WAC: variants seen among roughly 807,000 people sequenced by gnomAD.
WAC encodes WW domain-containing adapter protein with coiled-coil.
WAC carries 11 observed loss-of-function variants against 79.6 expected under a neutral mutation model. The observed-to-expected ratio is 0.14, with a 90% CI of 0.09 to 0.23. The LOEUF is 0.23. WAC is among the 10% of genes least tolerant of loss of function. The pLI is 1.00. For synonymous variants in WAC, 304 were observed against 276.9 expected (o/e 1.10, Z -0.97); for missense variants, 728 against 773.5 (o/e 0.94, Z 0.70).
chr10:28,617,748 G>T lies in WAC; in HGVS notation c.1838G>T (p.Arg613Leu). ...TELKNLRSLV[R>L]VCEIQATLRE... ...TTAAAAAATTTAAGATCTTTAGTCCGAGTATGTGAAATTCAAGCAACTTTG... is the reference window on the plus strand; with the variant it reads ...TTAAAAAATTTAAGATCTTTAGTCCTAGTATGTGAAATTCAAGCAACTTTG... The change falls in exon 13 of 14, where the codon CGA (arginine) becomes CTA (leucine). Residue 613 changes from arginine (R) to leucine (L), a missense_variant. By Grantham distance (102) the Arg-to-Leu change is moderately radical (BLOSUM62 -2). This residue lies in a region of WAC where 66 missense variants were observed against 78.9 expected (regional missense o/e 0.84). Transcript: ENST00000354911. 1 of 1,594,882 alleles carries T rather than the reference G, an allele frequency of 6.3e-7. No individual in the cohort carries two copies. Among genetic ancestry groups the T allele is most frequent in the South Asian group, 1.2e-5 (1 of 84,536 alleles).
intron 1 of WAC, 37 bp from the exon 2 acceptor site, chr10:28,533,961 G>A (rs774549901): frequency 1.9e-6 from 3 of 1,604,036 alleles, no homozygotes; most frequent in African/African-American, 2.7e-5. Context: ...CACCCGCGCC[G>A]TGTCTTATGT....
intron 7 of WAC, among the ~76,000 whole-genome samples, chr10:28,601,258 A>G (rs1442068350): frequency 6.6e-6 from 1 of 152,176 alleles, no homozygotes; most frequent in Admixed American, 6.5e-5. Context: ...AAGGACTCGA[A>G]TAAACATTTC....
intron 9 of WAC, chr10:28,611,118 C>G (rs1841219487): frequency 8.3e-6 from 5 of 602,036 alleles, no homozygotes; most frequent in Non-Finnish European, 1.3e-5. Context: ...TATGCCAAAG[C>G]TGAAAGTAAA....
chr10:28,603,730 G>A (rs1035300204), intron 7 of WAC, among the ~76,000 whole-genome samples: 17 of 151,434 alleles, frequency 1.1e-4, no homozygotes, highest in East Asian at 5.8e-4. Flanking sequence ...TCAGGAGATC[G>A]AGACCATCCT....
At chr10:28,583,026 G>T (rs1250276426) in intron 3 of WAC, among the ~76,000 whole-genome samples, 1 of 152,116 alleles carries the variant, frequency 6.6e-6, no homozygotes, top group Non-Finnish European at 1.5e-5. Context: ...TTTTAGTTCT[G>T]TATCATTTGA....
intron 8 of WAC, 141 bp from the exon 9 acceptor site, chr10:28,610,558 T>C: frequency 1.3e-6 from 1 of 776,818 alleles, no homozygotes; most frequent in Admixed American, 3.5e-5. Flanking sequence ...ATTGTATTAC[T>C]CCTATCTAGT....
At position 28,619,522 on chromosome 10, in the gene WAC, GCTT is replaced by G; in HGVS notation, c.1875-14_1875-12del. 1 of 1,545,766 alleles carries G rather than the reference GCTT, an allele frequency of 6.5e-7. No individual in the cohort carries two copies. The highest frequency in any genetic ancestry group is 8.7e-7 in the Non-Finnish European group (1 of 1,147,898). The stretch of plus-strand genomic sequence containing the variant: ...TATATGTACACAGGTTCTAATGTCT[GCTT>G]TTTTTTTTCAGGATACTATTTTTGA... On this transcript the variant is annotated splice_polypyrimidine_tract_variant and intron_variant, in intron 13 of 13. Transcript: ENST00000354911.
In WAC at chr10:28,533,161, GC is replaced by G. The variant is rs1836364552; in HGVS notation, c.-418del. 1.3e-5 allele frequency among the ~76,000 whole-genome samples: 2 copies of G among 148,254 alleles called. No homozygotes were observed. The highest frequency in any genetic ancestry group is 1.3e-4 in the Admixed American group (2 of 14,918). The stretch of plus-strand genomic sequence containing the variant: ...TGGTGGAGCGGCAGCGGCGGCACCA[GC>G]GGCGGCGGCGGCGGCGGGAGGAGGA... On this transcript the variant is annotated 5_prime_UTR_variant, in exon 1 of 14. Transcript: ENST00000354911.
chr10:28,606,114 G>T (rs1420814543), intron 7 of WAC, among the ~76,000 whole-genome samples: 1 of 151,468 alleles, frequency 6.6e-6, no homozygotes, highest in Non-Finnish European at 1.5e-5. Flanking sequence ...TGCAGTGGCT[G>T]AATCACGGCT....
intron 4 of WAC, among the ~76,000 whole-genome samples, chr10:28,587,205 A>G (rs1308785350): frequency 6.6e-6 from 1 of 152,264 alleles, no homozygotes; most frequent in African/African-American, 2.4e-5. Context: ...TTGTAAACCC[A>G]TTATATGGTA....
chr10:28,556,371 A>AT (rs1405897108), intron 3 of WAC, among the ~76,000 whole-genome samples: 5 of 104,300 alleles, frequency 4.8e-5, no homozygotes, highest in Non-Finnish European at 1.0e-4. Flanking sequence ...GGTAGATTCA[A>AT]TTTCGTTGCC....
At chr10:28,533,668 C>CGG in intron 1 of WAC, 48 bp downstream of exon 1, 1 of 1,217,134 alleles carries the variant, frequency 8.2e-7, no homozygotes, top group Non-Finnish European at 1.2e-6. Context: ...GGGGCGGCGG[C>CGG]GGGGGGGCTG....
At chr10:28,586,726 G>A (rs1302803375) in intron 4 of WAC, among the ~76,000 whole-genome samples, 1 of 151,862 alleles carries the variant, frequency 6.6e-6, no homozygotes. Flanking sequence ...AAAAATCATG[G>A]TATGACTTGT....
Position 28,617,700 on chromosome 10 carries a change from A to T in WAC, c.1790A>T (p.His597Leu), listed in dbSNP as rs1189156359. 1 of 1,598,400 alleles carries T rather than the reference A, an allele frequency of 6.3e-7. No individual in the cohort carries two copies. Among genetic ancestry groups the T allele is most frequent in the Non-Finnish European group, 8.5e-7 (1 of 1,175,400 alleles). Residue 597 changes from histidine to leucine, a missense_variant, in exon 13 of 14, where the codon CAC becomes CTC. Physicochemically the swap from His to Leu is moderately conservative, Grantham distance 99. Transcript: ENST00000354911. ...REEAHNMGTI[H>L]MSEICTELKN... ...GAAGCGCATAACATGGGAACTATTC[A>T]CATGTCCGAAATTTGTACTGAATTA...
chr10:28,599,924 A>G (rs1840558020), intron 7 of WAC, among the ~76,000 whole-genome samples: 1 of 152,168 alleles, frequency 6.6e-6, no homozygotes, highest in African/African-American at 2.4e-5. Context: ...TGATACACCA[A>G]AAAAATACAA....
chr10:28,612,823 T>G (rs1841305012), intron 10 of WAC, among the ~76,000 whole-genome samples: 1 of 152,190 alleles, frequency 6.6e-6, no homozygotes, highest in Non-Finnish European at 1.5e-5. Flanking sequence ...TTGCCAGTAT[T>G]TTAAGGAGGA....
At chr10:28,591,209 T>TA in intron 6 of WAC, 1 of 213,460 alleles carries the variant, frequency 4.7e-6, no homozygotes, top group Non-Finnish European at 9.4e-6. Flanking sequence ...TTTAGTCTAA[T>TA]AATTGAATCA....
rs1484025582 is a variant in WAC, at chr10:28,616,208, C to T, written c.1592C>T (p.Thr531Ile). The change falls in exon 12 of 14, where the codon ACT becomes ATT. Residue 531 changes from threonine to isoleucine, a missense_variant. By Grantham distance (89) the Thr-to-Ile change is moderately conservative. Coordinates refer to ENST00000354911, the MANE Select transcript of WAC (RefSeq NM_016628.5). ...QRSPSPGPNH[T>I]SNSSNASNAT... Reference sequence around the variant, plus strand: ...AGTCCATCACCTGGTCCCAATCATACTTCTAATAGTAGTAATGCATCAAAT... The same window carrying T: ...AGTCCATCACCTGGTCCCAATCATATTTCTAATAGTAGTAATGCATCAAAT... 2.5e-6 allele frequency: 4 copies of T among 1,611,486 alleles called. No homozygotes were observed. Among genetic ancestry groups the T allele is most frequent in the East Asian group, 2.2e-5 (1 of 44,842 alleles).
At chr10:28,533,753 A>G (rs1351176436) in intron 1 of WAC, 133 bp downstream of exon 1, 35 of 782,730 alleles carry the variant, frequency 4.5e-5, no homozygotes, top group Non-Finnish European at 6.4e-5. Context: ...GGGGAGGAGG[A>G]GCGGCCGCGC....
Sources: allele counts gnomAD v4.1 joint callset (sites outside exome capture counted in the v4.1 genomes callset), GRCh38; gene constraint gnomAD v4.1.1; regional missense constraint gnomAD v4.1.1; transcripts MANE v1.5; gene names NCBI Gene and HGNC (gene_info 2026-07-23, HGNC 2026-07-21).